The following PCDHA12 variants were observed in gnomAD, a reference collection of about 807,000 sequenced individuals.
PCDHA12 encodes the protein protocadherin alpha-12.
In PCDHA12, 44 loss-of-function variants were observed where a neutral mutation model predicts 60.0. The ratio of observed to expected loss-of-function variants is 0.73; its 90% CI spans 0.58 to 0.94. The LOEUF (loss-of-function observed/expected upper bound fraction) is 0.94, where lower values mean the gene tolerates loss of function less well. PCDHA12 is among the 40% of genes least tolerant of loss of function. The pLI is 0.00. For synonymous variants in PCDHA12, 569 were observed against 553.0 expected, an observed-to-expected ratio of 1.03 and a Z score of -0.40; for missense variants, 1,276 against 1,239.7, an observed-to-expected ratio of 1.03 and a Z score of -0.44.
intron 1 of PCDHA12, chr5:140,884,560 G>A: frequency 6.2e-7 from 1 of 1,614,132 alleles, no homozygotes; most frequent in African/African-American, 1.3e-5. Context: ...GGGAGGGCCC[G>A]CATAAGACGG....
At chr5:140,889,415 G>A (rs192243576) in intron 1 of PCDHA12, among the ~76,000 whole-genome samples, 212 of 152,058 alleles carry the variant, frequency 1.4e-3, no homozygotes, top group African/African-American at 5.0e-3. Flanking sequence ...AGTCAGTTAC[G>A]TAGATAATAT....
intron 1 of PCDHA12, among the ~76,000 whole-genome samples, chr5:140,900,525 C>A (rs1322679465): frequency 6.6e-6 from 1 of 152,232 alleles, no homozygotes; most frequent in East Asian, 1.9e-4. Context: ...GATCTGCCCA[C>A]CTCGGCTTTC....
chr5:140,918,632 C>A (rs1182828125), intron 1 of PCDHA12, among the ~76,000 whole-genome samples: 1 of 152,164 alleles, frequency 6.6e-6, no homozygotes, highest in Non-Finnish European at 1.5e-5. Flanking sequence ...TCCCCAAATT[C>A]ATAAATTGAA....
chr5:140,935,852 CTT>C (rs1267620281), intron 1 of PCDHA12, among the ~76,000 whole-genome samples: 2 of 149,326 alleles, frequency 1.3e-5, no homozygotes, highest in African/African-American at 4.9e-5. Context: ...TTAATGGTGT[CTT>C]TTGATTAGCA....
At chr5:140,926,737 C>T (rs2083513630) in intron 1 of PCDHA12, 3 of 1,153,842 alleles carry the variant, frequency 2.6e-6, no homozygotes, top group Non-Finnish European at 3.4e-6. Flanking sequence ...GTTCGGGAGG[C>T]GCAACGTCGG....
chr5:140,917,435 T>A (rs1179418321), intron 1 of PCDHA12, among the ~76,000 whole-genome samples: 2 of 152,200 alleles, frequency 1.3e-5, no homozygotes, highest in South Asian at 2.1e-4. Flanking sequence ...CAATTTTTGT[T>A]TTTGCTGCAA....
chr5:141,010,869 A>T lies in PCDHA12; in HGVS notation c.*932A>T, dbSNP rs1434984330. The T allele has an allele frequency of 1.3e-5, 2 of 153,786 alleles. No individual in the cohort carries two copies. Among genetic ancestry groups the T allele is most frequent in the African/African-American group, 4.8e-5 (2 of 41,464 alleles). The allele number at this position is 153,786 out of a possible 1,614,324, so 9.5% of individuals were successfully genotyped here. On this transcript the variant is annotated 3_prime_UTR_variant, in exon 4 of 4. Coordinates refer to ENST00000398631, the MANE Select transcript of PCDHA12 (RefSeq NM_018903.4). Reference sequence around the variant, plus strand: ...AAAAAAAGAGAAAGTCTATAGCTATAAATCTTTAAAGAGAAATATGAATAC... The same window carrying T: ...AAAAAAAGAGAAAGTCTATAGCTATTAATCTTTAAAGAGAAATATGAATAC...
chr5:140,994,394 T>C (rs1332946220), intron 3 of PCDHA12, among the ~76,000 whole-genome samples: 1 of 152,110 alleles, frequency 6.6e-6, no homozygotes, highest in African/African-American at 2.4e-5. Flanking sequence ...AGTCAGAGAT[T>C]ATTTGACATT....
intron 1 of PCDHA12, chr5:140,883,108 AT>A (rs1261032162): frequency 6.2e-7 from 1 of 1,614,018 alleles, no homozygotes; most frequent in Non-Finnish European, 8.5e-7. Flanking sequence ...TAGTTTACTC[AT>A]TTAGAAGGCC....
At chr5:140,971,434 A>T (rs1243393478) in intron 1 of PCDHA12, among the ~76,000 whole-genome samples, 1 of 152,188 alleles carries the variant, frequency 6.6e-6, no homozygotes, top group Non-Finnish European at 1.5e-5. Flanking sequence ...GAACCCCAAG[A>T]TCTACAGCTC....
At chr5:140,937,009 C>A (rs1409113092) in intron 1 of PCDHA12, among the ~76,000 whole-genome samples, 11 of 151,930 alleles carry the variant, frequency 7.2e-5, no homozygotes, top group African/African-American at 1.9e-4. Context: ...AGACAGACAA[C>A]CGATTAACAA....
intron 1 of PCDHA12, among the ~76,000 whole-genome samples, chr5:140,974,029 A>G (rs2096612369): frequency 6.6e-6 from 1 of 152,238 alleles, no homozygotes; most frequent in Admixed American, 6.5e-5. Flanking sequence ...ACAACTATAA[A>G]TTTAGCTTAT....
chr5:140,896,074 A>C (rs1251086240), intron 1 of PCDHA12, among the ~76,000 whole-genome samples: 1 of 151,976 alleles, frequency 6.6e-6, no homozygotes, highest in African/African-American at 2.4e-5. Context: ...GCCTCCCAAC[A>C]TGCTGGGATT....
intron 1 of PCDHA12, among the ~76,000 whole-genome samples, chr5:140,939,802 A>C (rs1347672258): frequency 6.6e-6 from 1 of 152,220 alleles, no homozygotes; most frequent in Admixed American, 6.5e-5. Context: ...AATGTTCTGC[A>C]TGTTCAAGAA....
At chr5:140,917,324 C>CGG (rs1299895515) in intron 1 of PCDHA12, among the ~76,000 whole-genome samples, 73 of 76,040 alleles carry the variant, frequency 9.6e-4, no homozygotes, top group South Asian at 2.7e-3. Flanking sequence ...GTTCATGTGG[C>CGG]GGGGGAGGGG....
At chr5:140,890,781 A>G (rs2153431855) in intron 1 of PCDHA12, among the ~76,000 whole-genome samples, 1 of 152,280 alleles carries the variant, frequency 6.6e-6, no homozygotes, top group African/African-American at 2.4e-5. Context: ...ACCCCATAAG[A>G]TATTAGTATT....
rs1554167787 is a variant in PCDHA12, at chr5:140,875,596, G to T, written c.124G>T (p.Gly42Cys). The change falls in exon 1 of 4, where the codon GGC becomes TGC. Residue 42 changes from glycine to cysteine, a missense_variant. Gly to Cys is a radical substitution (Grantham distance 159). Transcript: ENST00000398631. ...CTCCGTCTACGAGGAGGCCAAACAC[G>T]GCACCTTCGTGGGCCGCATCGCTCA... ...HYSVYEEAKH[G>C]TFVGRIAQDL... 2 of 1,613,938 alleles carry T rather than the reference G, an allele frequency of 1.2e-6. No individual in the cohort carries two copies. The highest frequency in any genetic ancestry group is 2.2e-5 in the East Asian group (1 of 44,884).
At chr5:140,968,228 C>T in intron 1 of PCDHA12, 1 of 1,614,010 alleles carries the variant, frequency 6.2e-7, no homozygotes, top group East Asian at 2.2e-5. Flanking sequence ...AGGTGTGTTG[C>T]TCTGTACTGT....
At chr5:140,941,202 CCTTTCTTTCTTCCTTT>C (rs1307053809) in intron 1 of PCDHA12, among the ~76,000 whole-genome samples, 1 of 122,742 alleles carries the variant, frequency 8.1e-6, no homozygotes, top group Non-Finnish European at 1.8e-5. Context: ...TTTCTTTCTT[CCTTTCTTTCTTCCTTT>C]CTTTCTTTCT....
Sources: gnomAD v4.1 joint callset for allele counts (sites outside exome capture counted in the v4.1 genomes callset) on GRCh38, gnomAD v4.1.1 for gene constraint, MANE v1.5 for transcripts, NCBI Gene and HGNC (gene_info 2026-07-23, HGNC 2026-07-21) for gene names.